The following FAM107B variants were observed in gnomAD, a reference collection of about 807,000 sequenced individuals.
The protein encoded by FAM107B is family with sequence similarity 107 member B.
A neutral mutation model predicts 31.5 loss-of-function variants in FAM107B; 21 were observed. The observed-to-expected ratio is 0.67, with a 90% confidence interval of 0.47 to 0.96. FAM107B has a LOEUF of 0.96. Ranked by LOEUF, FAM107B falls within the 40% of genes least tolerant of loss-of-function variation. The pLI is 0.00. For synonymous variants in FAM107B, 157 were observed against 141.5 expected (o/e 1.11, Z -0.78); for missense variants, 452 against 377.1 (o/e 1.20, Z -1.64).
intron 2 of FAM107B, among the ~76,000 whole-genome samples, chr10:14,658,635 A>G (rs1268148619): frequency 6.6e-6 from 1 of 152,236 alleles, no homozygotes; most frequent in Non-Finnish European, 1.5e-5. Context: ...AGAGAAAAAG[A>G]CGCAATTCCA....
chr10:14,522,448 C>T (rs1198865965), intron 3 of FAM107B, among the ~76,000 whole-genome samples: 2 of 150,610 alleles, frequency 1.3e-5, no homozygotes, highest in African/African-American at 2.4e-5. Flanking sequence ...GAGTCTCACT[C>T]TGTCACCCAG....
At chr10:14,658,600 G>A (rs979698512) in intron 2 of FAM107B, among the ~76,000 whole-genome samples, 7 of 152,192 alleles carry the variant, frequency 4.6e-5, no homozygotes, top group African/African-American at 1.7e-4. Context: ...CAAGAATTGT[G>A]CGAGGAGCTG....
At chr10:14,706,008 A>C (rs567142183) in intron 1 of FAM107B, among the ~76,000 whole-genome samples, 18 of 152,318 alleles carry the variant, frequency 1.2e-4, no homozygotes, top group African/African-American at 4.1e-4. Flanking sequence ...ATACAATAGG[A>C]GCTATCAGGC....
intron 1 of FAM107B, among the ~76,000 whole-genome samples, chr10:14,689,544 C>G (rs945750236): frequency 6.6e-6 from 1 of 152,044 alleles, no homozygotes; most frequent in African/African-American, 2.4e-5. Context: ...GAGGTAAGTA[C>G]GAGGAAGGCT....
intron 2 of FAM107B, among the ~76,000 whole-genome samples, chr10:14,545,972 C>T (rs1290948899): frequency 6.6e-6 from 1 of 152,216 alleles, no homozygotes; most frequent in Admixed American, 6.5e-5. Flanking sequence ...CGAAAAGCTT[C>T]CTGCTGGGCT....
chr10:14,680,885 G>A (rs1854817920), intron 1 of FAM107B, among the ~76,000 whole-genome samples: 1 of 152,032 alleles, frequency 6.6e-6, no homozygotes, highest in East Asian at 1.9e-4. Flanking sequence ...TCCATCCACA[G>A]TGGTTGATCT....
At chr10:14,646,081 G>T (rs1853745070) in intron 2 of FAM107B, among the ~76,000 whole-genome samples, 1 of 152,100 alleles carries the variant, frequency 6.6e-6, no homozygotes, top group Admixed American at 6.5e-5. Context: ...GAGGTGATAG[G>T]TGATTAAACA....
intron 2 of FAM107B, among the ~76,000 whole-genome samples, chr10:14,603,030 CAA>C (rs1491347058): frequency 2.7e-5 from 4 of 150,484 alleles, no homozygotes; most frequent in Admixed American, 6.6e-5. Flanking sequence ...CACACACACA[CAA>C]ACACACTATG....
chr10:14,772,753 T>C (rs139658934), intron 1 of FAM107B, among the ~76,000 whole-genome samples: 162 of 152,298 alleles, frequency 1.1e-3, no homozygotes, highest in African/African-American at 3.8e-3. Context: ...TCCTGCCAAG[T>C]GGACACTAAA....
intron 1 of FAM107B, among the ~76,000 whole-genome samples, chr10:14,715,662 CAGAAAGGTGG>C (rs907312091): frequency 1.3e-5 from 2 of 152,190 alleles, no homozygotes; most frequent in African/African-American, 4.8e-5. Flanking sequence ...GTGAATAGAA[CAGAAAGGTGG>C]AGGAAGGGGG....
At chr10:14,648,331 C>G (rs1853813367) in intron 2 of FAM107B, among the ~76,000 whole-genome samples, 1 of 152,172 alleles carries the variant, frequency 6.6e-6, no homozygotes, top group Admixed American at 6.5e-5. Flanking sequence ...TGCTGACAGG[C>G]AGCATGAACG....
chr10:14,758,049 GA>G (rs1239892254), intron 1 of FAM107B, among the ~76,000 whole-genome samples: 8 of 151,978 alleles, frequency 5.3e-5, no homozygotes, highest in Admixed American at 3.3e-4. Flanking sequence ...GATAGGAGGG[GA>G]AAAAAAGTCT....
At chr10:14,582,497 C>T (rs901014052) in intron 2 of FAM107B, among the ~76,000 whole-genome samples, 1 of 151,188 alleles carries the variant, frequency 6.6e-6, no homozygotes, top group Admixed American at 6.6e-5. Context: ...CTGCCTCAGC[C>T]TCCCGAGTAG....
intron 1 of FAM107B, among the ~76,000 whole-genome samples, chr10:14,761,223 G>A (rs1211613025): frequency 6.6e-6 from 1 of 152,050 alleles, no homozygotes; most frequent in African/African-American, 2.4e-5. Flanking sequence ...AACTTTCATG[G>A]GGGCCTAATA....
chr10:14,574,054 G>A (rs1201091599), intron 2 of FAM107B, among the ~76,000 whole-genome samples: 1 of 152,162 alleles, frequency 6.6e-6, no homozygotes, highest in Non-Finnish European at 1.5e-5. Context: ...TAAGGGTTCA[G>A]CTTCCAAGCT....
chr10:14,727,469 C>T (rs1856063829), intron 1 of FAM107B, among the ~76,000 whole-genome samples: 1 of 152,202 alleles, frequency 6.6e-6, no homozygotes, highest in Non-Finnish European at 1.5e-5. Flanking sequence ...GGGGCATCTT[C>T]TAGAGCCAAG....
chr10:14,641,861 T>G (rs1588677459), intron 2 of FAM107B, among the ~76,000 whole-genome samples: 1 of 152,300 alleles, frequency 6.6e-6, no homozygotes, highest in East Asian at 1.9e-4. Flanking sequence ...GTATGCAAAA[T>G]ATATTCATTC....
chr10:14,741,541 C>G (rs189098276), intron 1 of FAM107B, among the ~76,000 whole-genome samples: 70 of 152,162 alleles, frequency 4.6e-4, no homozygotes, highest in African/African-American at 1.6e-3. Flanking sequence ...TACCCTCTGC[C>G]CAGCCAAACA....
intron 1 of FAM107B, among the ~76,000 whole-genome samples, chr10:14,704,108 C>T (rs453424): frequency 6.6e-6 from 1 of 152,176 alleles, no homozygotes; most frequent in Non-Finnish European, 1.5e-5. Flanking sequence ...GAGCCACCTT[C>T]TATGCTCTGA....
Sources: allele counts gnomAD v4.1 joint callset (sites outside exome capture counted in the v4.1 genomes callset), GRCh38; gene constraint gnomAD v4.1.1; transcripts MANE v1.5; gene names NCBI Gene and HGNC (gene_info 2026-07-23, HGNC 2026-07-21).